The following CADM2 variants were observed in gnomAD, a reference collection of about 807,000 sequenced individuals.
The protein encoded by CADM2 is immunoglobulin superfamily member 4D.
In CADM2, 12 loss-of-function variants were observed where a neutral mutation model predicts 49.8. The ratio of observed to expected loss-of-function variants is 0.24; its 90% confidence interval spans 0.15 to 0.39. The LOEUF is 0.39. Among genes scored for constraint, CADM2 ranks in the 10% least tolerant of loss-of-function variants. The pLI, the probability that CADM2 is intolerant of heterozygous loss-of-function variation, is 1.00. For synonymous variants in CADM2, 214 were observed against 175.4 expected (o/e 1.22, Z -1.74); for missense variants, 378 against 492.3 (o/e 0.77, Z 2.20).
chr3:85,528,403 G>C (rs2061220302), intron 1 of CADM2, among the ~76,000 whole-genome samples: 1 of 152,198 alleles, frequency 6.6e-6, no homozygotes, highest in South Asian at 2.1e-4. Context: ...ACTTCAAAAT[G>C]TGGAGTAAGC....
chr3:85,963,495 G>C (rs1725093685), intron 8 of CADM2, among the ~76,000 whole-genome samples: 1 of 151,838 alleles, frequency 6.6e-6, no homozygotes, highest in South Asian at 2.1e-4. Flanking sequence ...GTCATGTAAG[G>C]AAAGTGTAGT....
At chr3:85,079,908 A>G (rs1389840471) in intron 1 of CADM2, among the ~76,000 whole-genome samples, 1 of 151,924 alleles carries the variant, frequency 6.6e-6, no homozygotes. Context: ...TGTGAACTTG[A>G]GAAGGAAGGA....
chr3:85,187,442 A>T (rs538736415), intron 1 of CADM2, among the ~76,000 whole-genome samples: 2 of 152,094 alleles, frequency 1.3e-5, no homozygotes, highest in Non-Finnish European at 2.9e-5. Flanking sequence ...ACATCTCCTC[A>T]TAAGTTTTTT....
intron 5 of CADM2, among the ~76,000 whole-genome samples, chr3:85,888,652 T>C (rs1175606220): frequency 6.6e-6 from 1 of 152,208 alleles, no homozygotes; most frequent in Non-Finnish European, 1.5e-5. Flanking sequence ...TTCTTTAGCA[T>C]GTTTACATCG....
chr3:85,372,405 G>GTA (rs201245268), intron 1 of CADM2, among the ~76,000 whole-genome samples: 2 of 133,422 alleles, frequency 1.5e-5, no homozygotes, highest in Admixed American at 8.3e-5. Flanking sequence ...ATATGTATAT[G>GTA]TATATATATG....
chr3:85,279,065 A>G (rs955513215), intron 1 of CADM2, among the ~76,000 whole-genome samples: 6 of 151,506 alleles, frequency 4.0e-5, no homozygotes, highest in Non-Finnish European at 7.4e-5. Context: ...TATACTGATT[A>G]GTTTGGGGTT....
At chr3:85,151,712 C>T (rs1370578175) in intron 1 of CADM2, among the ~76,000 whole-genome samples, 5 of 152,056 alleles carry the variant, frequency 3.3e-5, no homozygotes, top group Non-Finnish European at 7.4e-5. Context: ...AATAACAATA[C>T]ATTCATTTGT....
intron 2 of CADM2, among the ~76,000 whole-genome samples, chr3:85,778,022 G>A (rs2070444374): frequency 6.6e-6 from 1 of 152,118 alleles, no homozygotes; most frequent in Admixed American, 6.5e-5. Context: ...TATGACTTCT[G>A]TGTGAGGGCA....
At position 85,693,396 on chromosome 3, in the gene CADM2, G is replaced by C. The variant is rs372695119; in HGVS notation, c.62-33126G>C. ...GAGATCGAGACCATCCTGGCTAACAGGGTGAAACCCCGTCTCTACTAAAAA... is the reference window on the plus strand; with the variant it reads ...GAGATCGAGACCATCCTGGCTAACACGGTGAAACCCCGTCTCTACTAAAAA... On this transcript the variant is annotated intron_variant, in intron 1 of 9. Coordinates refer to ENST00000383699, the MANE Select transcript of CADM2 (RefSeq NM_001167675.2). Among the ~76,000 whole-genome samples, 6 of 144,438 alleles carry C rather than the reference G, an allele frequency of 4.2e-5. No individual in the cohort carries two copies. In the South Asian group the frequency reaches 6.7e-4, roughly 16 times the overall value. 94.8% of individuals were successfully genotyped at this position (144,438 alleles called of 152,430 possible).
chr3:85,611,611 A>G (rs1419649061), intron 1 of CADM2, among the ~76,000 whole-genome samples: 1 of 151,904 alleles, frequency 6.6e-6, no homozygotes, highest in African/African-American at 2.4e-5. Flanking sequence ...GGGATCAATT[A>G]ATTCTGTCTG....
chr3:85,879,220 G>C lies in CADM2; in HGVS notation c.239-4071G>C, dbSNP rs963980913. ...AGCTAAACAAGGCATCTATATCATGGCATGTAGGAGATAGAGTATGAAATA... is the reference window on the plus strand; with the variant it reads ...AGCTAAACAAGGCATCTATATCATGCCATGTAGGAGATAGAGTATGAAATA... On this transcript the variant is annotated intron_variant, in intron 3 of 9. Transcript: ENST00000383699. Among the ~76,000 whole-genome samples, 4 of 152,006 alleles carry C rather than the reference G, an allele frequency of 2.6e-5. No homozygotes were observed. The East Asian group carries it at 7.7e-4, about 29-fold the overall frequency.
chr3:85,366,728 A>G (rs1469884956), intron 1 of CADM2, among the ~76,000 whole-genome samples: 1 of 152,132 alleles, frequency 6.6e-6, no homozygotes, highest in African/African-American at 2.4e-5. Context: ...TTAATGCCGA[A>G]ATCTAAAATA....
At chr3:85,798,689 A>G (rs1577334387) in intron 2 of CADM2, among the ~76,000 whole-genome samples, 1 of 152,114 alleles carries the variant, frequency 6.6e-6, no homozygotes, top group Non-Finnish European at 1.5e-5. Flanking sequence ...ATATAGTTTT[A>G]AGTCAGTTAG....
intron 1 of CADM2, among the ~76,000 whole-genome samples, chr3:85,190,863 A>G (rs1205582210): frequency 6.6e-6 from 1 of 152,160 alleles, no homozygotes; most frequent in African/African-American, 2.4e-5. Flanking sequence ...AATAAATGCA[A>G]TGAGATTGGT....
rs953158644 is a variant in CADM2 at position 85,719,319 on chromosome 3, C to T, written c.62-7203C>T. Among the ~76,000 whole-genome samples the T allele has an allele frequency of 2.0e-5, 3 of 152,020 alleles. No homozygotes were observed. In the South Asian group the frequency reaches 6.2e-4, roughly 32 times the overall value. On this transcript the variant is annotated intron_variant, in intron 1 of 9. Coordinates refer to ENST00000383699, the MANE Select transcript of CADM2 (RefSeq NM_001167675.2). The stretch of plus-strand genomic sequence containing the variant: ...ATTAAATCATAGGAAAAGATGTGTT[C>T]AGAAATTGTAATACAGTTTACCCTT...
chr3:85,359,666 A>ATATATATATATTTTTTT lies in CADM2; in HGVS notation c.62-366855_62-366854insATATATATATTTTTTTT. Among the ~76,000 whole-genome samples the ATATATATATATTTTTTT allele has an allele frequency of 7.7e-3, 204 of 26,534 alleles. 15 individuals carry two copies. The highest frequency in any genetic ancestry group is 0.013 in the Non-Finnish European group (157 of 12,298). 17.4% of individuals were successfully genotyped at this position (26,534 alleles called of 152,430 possible). A position where few individuals can be genotyped will look rare whatever the true frequency, so the allele number is the denominator to read the frequency against. On this transcript the variant is annotated intron_variant, in intron 1 of 9. Coordinates refer to ENST00000383699, the MANE Select transcript of CADM2 (RefSeq NM_001167675.2). ...TATATATATATATATATATATATAT[A>ATATATATATATTTTTTT]TTTTTTTTTTTGGTGGAGGGGAGAA...
chr3:85,919,238 G>A (rs1248754579), intron 6 of CADM2, among the ~76,000 whole-genome samples: 2 of 151,932 alleles, frequency 1.3e-5, no homozygotes, highest in African/African-American at 4.8e-5. Flanking sequence ...TCTTTTAACA[G>A]TACTAGGCTT....
chr3:86,065,966 C>A (rs1009192892), intron 9 of CADM2, among the ~76,000 whole-genome samples: 2 of 151,804 alleles, frequency 1.3e-5, no homozygotes, highest in Non-Finnish European at 2.9e-5. Context: ...GCCACTGGCT[C>A]AGAAAAATAG....
At chr3:85,351,419 AT>A (rs1196862390) in intron 1 of CADM2, among the ~76,000 whole-genome samples, 1 of 152,216 alleles carries the variant, frequency 6.6e-6, no homozygotes, top group African/African-American at 2.4e-5. Flanking sequence ...CTTCTTCAGA[AT>A]GTTAAATGGG....
Sources: gnomAD v4.1 joint callset for allele counts (sites outside exome capture counted in the v4.1 genomes callset) on GRCh38, gnomAD v4.1.1 for gene constraint, MANE v1.5 for transcripts, NCBI Gene and HGNC (gene_info 2026-07-23, HGNC 2026-07-21) for gene names.